MYH10: variants seen among roughly 807,000 people sequenced by gnomAD.
MYH10 encodes the protein myosin-10.
Under a neutral mutation model 257.8 loss-of-function variants are expected in MYH10, and 55 were observed. That is an observed-to-expected ratio of 0.21 (90% CI 0.17 to 0.27). The LOEUF is 0.27. Among genes scored for constraint, MYH10 ranks in the 10% least tolerant of loss-of-function variants. MYH10 has a pLI of 1.00. For synonymous variants in MYH10, 854 were observed against 921.7 expected, an observed-to-expected ratio of 0.93 and a Z score of 1.33; for missense variants, 1,631 against 2,500.6, an observed-to-expected ratio of 0.65 and a Z score of 7.42.
chr17:8,568,086 G>C (rs1294310900), intron 7 of MYH10, among the ~76,000 whole-genome samples: 1 of 152,084 alleles, frequency 6.6e-6, no homozygotes. Flanking sequence ...GGTCCTCTGG[G>C]ACGCTAGTCC....
At chr17:8,584,651 A>G (rs1458037678) in intron 4 of MYH10, among the ~76,000 whole-genome samples, 1 of 152,142 alleles carries the variant, frequency 6.6e-6, no homozygotes, top group Non-Finnish European at 1.5e-5. Context: ...AGAGGTAATT[A>G]TCTAGTTCAA....
chr17:8,566,715 T>A (rs1471369357), intron 7 of MYH10, among the ~76,000 whole-genome samples: 5 of 152,210 alleles, frequency 3.3e-5, no homozygotes, highest in Non-Finnish European at 7.3e-5. Context: ...CATGAGATAA[T>A]CGATGCCTGA....
intron 7 of MYH10, among the ~76,000 whole-genome samples, chr17:8,562,743 C>T (rs2083039180): frequency 1.3e-5 from 2 of 152,138 alleles, no homozygotes; most frequent in South Asian, 4.1e-4. Flanking sequence ...ACTGTGAGAG[C>T]TCTCAACAGC....
At chr17:8,591,339 C>T (rs924093292) in intron 3 of MYH10, among the ~76,000 whole-genome samples, 3 of 152,144 alleles carry the variant, frequency 2.0e-5, no homozygotes, top group African/African-American at 7.2e-5. Flanking sequence ...CTGAGAGAAA[C>T]CCAGTGCTAG....
rs1917165538 is a variant in MYH10 at position 8,499,366 on chromosome 17, C to T, written c.3855G>A (p.Arg1285=). 2 of 1,614,054 alleles carry T rather than the reference C, an allele frequency of 1.2e-6. No individual in the cohort carries two copies. Among genetic ancestry groups the T allele is most frequent in the Non-Finnish European group, 8.5e-7 (1 of 1,180,046 alleles). The change falls in exon 30 of 43, where the codon AGG becomes AGA. Residue 1285 remains arginine (R), a synonymous_variant. Coordinates refer to ENST00000360416, the MANE Select transcript of MYH10 (RefSeq NM_001256012.3). ...QQVKAESEHK[R]KKLDAQVQEL... is the part of the protein sequence containing the mutation. ...CCTGGACCTGCGCGTCGAGCTTCTT[C>T]CTCTTGTGCTCAGACTCAGCCTTGA...
intron 6 of MYH10, among the ~76,000 whole-genome samples, chr17:8,571,586 T>A (rs2083344047): frequency 1.3e-5 from 2 of 151,576 alleles, no homozygotes; most frequent in South Asian, 4.2e-4. Flanking sequence ...ATCGAGACCA[T>A]CCTGGCTAAC....
At chr17:8,517,167 C>A (rs962591212) in intron 21 of MYH10, among the ~76,000 whole-genome samples, 2 of 152,066 alleles carry the variant, frequency 1.3e-5, no homozygotes, top group African/African-American at 4.8e-5. Context: ...AAACCCAATT[C>A]TTTTACTCCT....
At chr17:8,580,157 C>T (rs2083648983) in intron 4 of MYH10, among the ~76,000 whole-genome samples, 1 of 152,102 alleles carries the variant, frequency 6.6e-6, no homozygotes, top group Admixed American at 6.6e-5. Context: ...TTCTTATTCC[C>T]CATACCTGTG....
chr17:8,531,638 G>A (rs1290007549), intron 16 of MYH10, among the ~76,000 whole-genome samples: 1 of 148,768 alleles, frequency 6.7e-6, no homozygotes, highest in Non-Finnish European at 1.5e-5. Context: ...CGATCCTTCT[G>A]CCTCAGCCTC....
intron 14 of MYH10, among the ~76,000 whole-genome samples, chr17:8,538,571 A>G (rs1177888374): frequency 3.3e-4 from 50 of 152,202 alleles, no homozygotes; most frequent in Admixed American, 3.2e-3. Flanking sequence ...AAATTGAGGT[A>G]AAGAGTGAGT....
chr17:8,502,936 A>G (rs1380426584), intron 28 of MYH10, among the ~76,000 whole-genome samples: 2 of 152,226 alleles, frequency 1.3e-5, no homozygotes, highest in African/African-American at 2.4e-5. Context: ...AAAAAAGCAG[A>G]TATGTCAAAG....
At chr17:8,554,571 T>C (rs1291302434) in intron 7 of MYH10, among the ~76,000 whole-genome samples, 1 of 152,232 alleles carries the variant, frequency 6.6e-6, no homozygotes, top group Non-Finnish European at 1.5e-5. Flanking sequence ...ATAACTGTTT[T>C]AGGGAAAGAG....
chr17:8,476,008 T>A (rs1186470196), intron 42 of MYH10, 60 bp from the exon 43 acceptor site: 2 of 1,555,598 alleles, frequency 1.3e-6, no homozygotes, highest in African/African-American at 1.4e-5. Flanking sequence ...TGGCTGTCAA[T>A]ATGTTCAACC....
intron 17 of MYH10, among the ~76,000 whole-genome samples, chr17:8,524,183 G>A (rs1342660171): frequency 4.6e-5 from 7 of 152,090 alleles, no homozygotes; most frequent in African/African-American, 1.7e-4. Flanking sequence ...GCTCATGCCT[G>A]TAATCCCAGT....
At chr17:8,530,551 TC>T in intron 17 of MYH10, 71 bp downstream of exon 17, 2 of 376,324 alleles carry the variant, frequency 5.3e-6, no homozygotes, top group Non-Finnish European at 7.7e-6. Flanking sequence ...ACCCTGCCAG[TC>T]CCCCCACACG....
chr17:8,489,509 GC>G (rs1467270374), intron 35 of MYH10, among the ~76,000 whole-genome samples: 2 of 152,146 alleles, frequency 1.3e-5, no homozygotes, highest in South Asian at 4.1e-4. Context: ...TTTGAGACCA[GC>G]CTGGCCAACA....
chr17:8,625,245 C>T (rs953944979), intron 1 of MYH10, among the ~76,000 whole-genome samples: 3 of 151,994 alleles, frequency 2.0e-5, no homozygotes, highest in Admixed American at 1.3e-4. Flanking sequence ...AGCAAGACTC[C>T]GTCTCAAAAA....
intron 9 of MYH10, among the ~76,000 whole-genome samples, chr17:8,551,160 TTAA>T (rs1214453211): frequency 8.0e-5 from 8 of 99,566 alleles, no homozygotes; most frequent in Non-Finnish European, 8.8e-5. Flanking sequence ...AATAATAAAT[TTAA>T]AAAAAAAAAA....
At chr17:8,609,298 T>C (rs1184477545) in intron 2 of MYH10, among the ~76,000 whole-genome samples, 1 of 152,060 alleles carries the variant, frequency 6.6e-6, no homozygotes, top group African/African-American at 2.4e-5. Flanking sequence ...GGGAATATCA[T>C]GTAACCCTAC....
Sources: gnomAD v4.1 joint callset for allele counts (sites outside exome capture counted in the v4.1 genomes callset) on GRCh38, gnomAD v4.1.1 for gene constraint, MANE v1.5 for transcripts, NCBI Gene and HGNC (gene_info 2026-07-23, HGNC 2026-07-21) for gene names.